The following INSC variants were observed in gnomAD, a reference collection of about 807,000 sequenced individuals.
INSC encodes the protein INSC spindle orientation adaptor protein, also known as protein inscuteable homolog.
INSC carries 67 observed loss-of-function variants against 58.6 expected under a neutral mutation model. That is an observed-to-expected ratio of 1.14 (90% CI 0.94 to 1.40). The LOEUF (loss-of-function observed/expected upper bound fraction) is 1.40, where lower values mean the gene tolerates loss of function less well. INSC is among the 40% of genes most tolerant of loss of function. The pLI, the probability that INSC is intolerant of heterozygous loss-of-function variation, is 0.00. For synonymous variants in INSC, 262 were observed against 276.1 expected (o/e 0.95, Z 0.51); for missense variants, 714 against 692.0 (o/e 1.03, Z -0.36).
At chr11:15,158,322 CTCTT>C (rs1848889454) in intron 2 of INSC, among the ~76,000 whole-genome samples, 1 of 151,340 alleles carries the variant, frequency 6.6e-6, no homozygotes, top group Non-Finnish European at 1.5e-5. Flanking sequence ...CCCTGTTTCT[CTCTT>C]CAGACCCGTT....
At chr11:15,218,251 AC>A (rs1427377143) in intron 7 of INSC, among the ~76,000 whole-genome samples, 8 of 152,250 alleles carry the variant, frequency 5.3e-5, no homozygotes, top group Non-Finnish European at 1.2e-4. Context: ...GGTTTCATAA[AC>A]AAATACTGAC....
chr11:15,266,474 G>A, the INSC span, among the ~76,000 whole-genome samples: 1 of 151,986 alleles, frequency 6.6e-6, no homozygotes. Flanking sequence ...GACTAGTAAA[G>A]ACAAGAAAAA....
intron 1 of INSC, among the ~76,000 whole-genome samples, chr11:15,136,015 C>G (rs1396561567): frequency 6.6e-6 from 1 of 152,112 alleles, no homozygotes; most frequent in South Asian, 2.1e-4. Flanking sequence ...AGGCCTTTTT[C>G]TAATGGTATT....
intron 1 of INSC, among the ~76,000 whole-genome samples, chr11:15,125,368 G>A (rs1333405685): frequency 6.6e-6 from 1 of 152,152 alleles, no homozygotes; most frequent in Non-Finnish European, 1.5e-5. Flanking sequence ...GAAGAACGTT[G>A]GCTTTTAATA....
chr11:15,261,328 C>T, the INSC span, among the ~76,000 whole-genome samples: 1 of 152,130 alleles, frequency 6.6e-6, no homozygotes, highest in Non-Finnish European at 1.5e-5. Context: ...ATATTTTGGC[C>T]TTTGCTAGTT....
intron 1 of INSC, among the ~76,000 whole-genome samples, chr11:15,126,909 A>T (rs1848010224): frequency 2.6e-5 from 4 of 152,146 alleles, no homozygotes; most frequent in African/African-American, 4.8e-5. Flanking sequence ...GTGGATGGGG[A>T]TAGAGCCTGA....
At chr11:15,179,945 G>A (rs1849703528) in intron 5 of INSC, among the ~76,000 whole-genome samples, 1 of 152,220 alleles carries the variant, frequency 6.6e-6, no homozygotes, top group African/African-American at 2.4e-5. Context: ...TTTCCTGAAA[G>A]TGCCAGGTTC....
At chr11:15,219,806 T>G (rs561182074) in intron 7 of INSC, among the ~76,000 whole-genome samples, 3 of 152,314 alleles carry the variant, frequency 2.0e-5, no homozygotes, top group African/African-American at 7.2e-5. Context: ...AGGAAAGGGA[T>G]GAAAGCCAGA....
chr11:15,181,945 A>T (rs911303478), intron 5 of INSC, among the ~76,000 whole-genome samples: 1 of 152,134 alleles, frequency 6.6e-6, no homozygotes, highest in African/African-American at 2.4e-5. Flanking sequence ...TCAGGTTAGT[A>T]CAATCTCTTC....
intron 6 of INSC, among the ~76,000 whole-genome samples, chr11:15,191,684 A>G (rs973572041): frequency 6.6e-6 from 1 of 152,208 alleles, no homozygotes; most frequent in African/African-American, 2.4e-5. Flanking sequence ...CCCCATAATA[A>G]TTAGCAGTAG....
intron 2 of INSC, among the ~76,000 whole-genome samples, chr11:15,175,002 A>G (rs1483231651): frequency 1.3e-5 from 2 of 152,206 alleles, no homozygotes; most frequent in Non-Finnish European, 2.9e-5. Context: ...TTAGGAACTA[A>G]TCTATGTTCT....
At chr11:15,249,174 A>G (rs1852624036), downstream of INSC, among the ~76,000 whole-genome samples, 3 of 152,200 alleles carry the variant, frequency 2.0e-5, no homozygotes. Context: ...CCTCTGGAAC[A>G]AGCCTCTTTA....
rs1303066645 is a variant in INSC at position 15,240,387 on chromosome 11, C to T, written c.1394-60C>T. On this transcript the variant is annotated intron_variant, in intron 11 of 12. Coordinates refer to ENST00000379556, the MANE Select transcript of INSC (RefSeq NM_001042536.3). The stretch of plus-strand genomic sequence containing the variant: ...GGTGTGCAAGGGAGGCCCAGAACCT[C>T]TGGGTCAGGCCTGGCTGGGCCCTGT... 6.1e-6 allele frequency: 9 copies of T among 1,476,988 alleles called. No individual in the cohort carries two copies. In the Admixed American group the frequency reaches 1.4e-4, roughly 22 times the overall value. The allele number at this position is 1,476,988 out of a possible 1,614,324, so 91.5% of individuals were successfully genotyped here.
At chr11:15,120,037 T>G (rs1332110712) in intron 1 of INSC, among the ~76,000 whole-genome samples, 1 of 152,232 alleles carries the variant, frequency 6.6e-6, no homozygotes, top group African/African-American at 2.4e-5. Context: ...GACTCATCCT[T>G]GGGCACACTG....
chr11:15,115,363 G>A (rs750851412), intron 1 of INSC, among the ~76,000 whole-genome samples: 2 of 152,210 alleles, frequency 1.3e-5, no homozygotes, highest in African/African-American at 2.4e-5. Context: ...GGTGGGCTGA[G>A]CCAGTCCACA....
intron 1 of INSC, among the ~76,000 whole-genome samples, chr11:15,143,780 G>C (rs1391702553): frequency 1.3e-5 from 2 of 151,980 alleles, no homozygotes; most frequent in African/African-American, 2.4e-5. Context: ...TATGATGAGG[G>C]AAAGGGATGT....
At chr11:15,255,612 C>T in the INSC span, among the ~76,000 whole-genome samples, 1 of 152,100 alleles carries the variant, frequency 6.6e-6, no homozygotes, top group African/African-American at 2.4e-5. Context: ...CTATTTATTT[C>T]TACAATCTTG....
At chr11:15,140,828 T>G (rs915401401) in intron 1 of INSC, among the ~76,000 whole-genome samples, 4 of 152,036 alleles carry the variant, frequency 2.6e-5, no homozygotes, top group Non-Finnish European at 4.4e-5. Flanking sequence ...CAGGTGACCC[T>G]CTTGCCTCGG....
intron 6 of INSC, among the ~76,000 whole-genome samples, chr11:15,193,641 A>T (rs184867023): frequency 1.3e-5 from 2 of 152,330 alleles, no homozygotes; most frequent in African/African-American, 4.8e-5. Flanking sequence ...TTATGGCTGC[A>T]TAGTATTCCA....
Sources: allele counts gnomAD v4.1 joint callset (sites outside exome capture counted in the v4.1 genomes callset), GRCh38; gene constraint gnomAD v4.1.1; transcripts MANE v1.5; gene names NCBI Gene and HGNC (gene_info 2026-07-23, HGNC 2026-07-21).